MAST3: variants seen among roughly 807,000 people sequenced by gnomAD.
MAST3 encodes the protein microtubule associated serine/threonine kinase 3.
MAST3 carries 43 observed loss-of-function variants against 127.0 expected under a neutral mutation model. That is an observed-to-expected ratio of 0.34 (90% CI 0.27 to 0.44). The LOEUF (loss-of-function observed/expected upper bound fraction) is 0.44, where lower values mean the gene tolerates loss of function less well. MAST3 is among the 20% of genes least tolerant of loss of function. The probability of loss-of-function intolerance (pLI) is 1.00; values close to 1 mark genes in which losing one functional copy is unlikely to be tolerated. For missense variants in MAST3, 1,390 were observed against 1,919.1 expected, an observed-to-expected ratio of 0.72 and a Z score of 5.15; for synonymous variants, 785 against 809.2, an observed-to-expected ratio of 0.97 and a Z score of 0.51.
rs1486954307 is a variant in MAST3, at chr19:18,149,380, C to T, written c.3698C>T (p.Ser1233Phe). Reference sequence around the variant, plus strand: ...TCCCCGCTGGCCTGCCCGCCCATCTCCGCGCCCCCACCCCGCTCGCCCTCG... The same window carrying T: ...TCCCCGCTGGCCTGCCCGCCCATCTTCGCGCCCCCACCCCGCTCGCCCTCG... ...PPSPLACPPISAPPPRSPSPL... is the reference protein window; with the variant it reads ...PPSPLACPPIFAPPPRSPSPL... Residue 1233 changes from serine (S) to phenylalanine (F), a missense_variant, in exon 28 of 28, where the codon TCC (serine) becomes TTC (phenylalanine). Coordinates refer to ENST00000687212, the MANE Select transcript of MAST3 (RefSeq NM_001393504.1). This position sits in a 1 kb window ranked among gnomAD's most constrained non-coding sequence, Gnocchi z 5.9. 2.0e-6 allele frequency: 3 copies of T among 1,482,746 alleles called. No individual in the cohort carries two copies. The highest frequency in any genetic ancestry group is 2.7e-6 in the Non-Finnish European group (3 of 1,119,686). The allele number at this position is 1,482,746 out of a possible 1,614,324, so 91.8% of individuals were successfully genotyped here. A position where few individuals can be genotyped will look rare whatever the true frequency, so the allele number is the denominator to read the frequency against.
rs181113421 is a variant in MAST3 at position 18,101,799 on chromosome 19, C to T, written c.39+3968C>T. 1.7e-3 allele frequency among the ~76,000 whole-genome samples: 265 copies of T among 151,604 alleles called. 3 individuals carry two copies. The highest frequency in any genetic ancestry group is 1.3e-3 in the Non-Finnish European group (90 of 67,946). On this transcript the variant is annotated intron_variant, in intron 1 of 27. Coordinates refer to ENST00000687212, the MANE Select transcript of MAST3 (RefSeq NM_001393504.1). Reference sequence around the variant, plus strand: ...CCTGAGTAGCTGGATTACAGGCGAGCGCCACCACACCCGACTAATATAATT... The same window carrying T: ...CCTGAGTAGCTGGATTACAGGCGAGTGCCACCACACCCGACTAATATAATT...
At chr19:18,132,633 G>T (rs891478948) in intron 15 of MAST3, among the ~76,000 whole-genome samples, 1 of 152,148 alleles carries the variant, frequency 6.6e-6, no homozygotes, top group African/African-American at 2.4e-5. Flanking sequence ...TGGGCAACTG[G>T]GAGACACAGG....
chr19:18,145,191 G>T lies in MAST3; in HGVS notation c.3001G>T (p.Gly1001Cys). The change falls in exon 24 of 28, where the codon GGT (glycine) becomes TGT (cysteine). Residue 1001 changes from glycine to cysteine, a missense_variant. This residue lies in a region of MAST3 where 816 missense variants were observed against 934.1 expected (regional missense o/e 0.87). Transcript: ENST00000687212. This position sits in a 1 kb window ranked among gnomAD's most constrained non-coding sequence, Gnocchi z 5.9. ...FSLRAIRVYM[G>C]DSDVYTVHHV... ...CCTGCGGGCGATCCGCGTCTACATG[G>T]GTGATAGCGACGTCTACACTGTGCA... The T allele has an allele frequency of 6.2e-7, 1 of 1,613,870 alleles. No individual in the cohort carries two copies. Among genetic ancestry groups the T allele is most frequent in the Non-Finnish European group, 8.5e-7 (1 of 1,179,862 alleles).
intron 1 of MAST3, among the ~76,000 whole-genome samples, chr19:18,100,775 T>C (rs1227328014): frequency 2.0e-5 from 3 of 151,344 alleles, no homozygotes; most frequent in Non-Finnish European, 4.4e-5. Flanking sequence ...CTGGAAACCT[T>C]GTTAATGGTC....
At chr19:18,142,347 CTTT>C (rs776007010) in intron 21 of MAST3, among the ~76,000 whole-genome samples, 7 of 122,192 alleles carry the variant, frequency 5.7e-5, no homozygotes, top group Admixed American at 8.4e-5. Flanking sequence ...GGAAGCTGGC[CTTT>C]TTTTTTTTTT....
Position 18,149,723 on chromosome 19 carries a change from C to T in MAST3, c.4041C>T (p.Asp1347=), listed in dbSNP as rs373154404. ...TAGCTCTCGGGCCCACCGGAAGAGA[C>T]TGATCCCCTGCCAGGTCTCTCCCTG... ...VPVALGPTGR[D] Residue 1347 remains aspartate (D), a synonymous_variant, in exon 28 of 28, where the codon GAC becomes GAT. Transcript: ENST00000687212. This position sits in a 1 kb window ranked among gnomAD's most constrained non-coding sequence, Gnocchi z 5.9. The T allele has an allele frequency of 1.2e-6, 2 of 1,611,756 alleles. No homozygotes were observed. The highest frequency in any genetic ancestry group is 8.5e-7 in the Non-Finnish European group (1 of 1,179,528).
intron 12 of MAST3, 78 bp from the exon 13 acceptor site, chr19:18,128,788 G>C (rs1437497384): frequency 8.8e-7 from 1 of 1,142,746 alleles, no homozygotes; most frequent in Non-Finnish European, 1.3e-6. Context: ...ACCAGGACCA[G>C]TGGTTTGGGC....
intron 1 of MAST3, among the ~76,000 whole-genome samples, chr19:18,101,261 C>T (rs970250051): frequency 3.3e-5 from 5 of 152,178 alleles, no homozygotes; most frequent in African/African-American, 1.2e-4. Context: ...TTTGTCTCTG[C>T]CGCTACTGGG....
intron 1 of MAST3, among the ~76,000 whole-genome samples, chr19:18,100,554 G>A (rs2037508104): frequency 6.6e-6 from 1 of 152,040 alleles, no homozygotes; most frequent in Admixed American, 6.6e-5. Context: ...TAGTAAAGTG[G>A]GAATAACCGT....
rs777707144 is a variant in MAST3 at position 18,139,056 on chromosome 19, G to A, written c.2137G>A (p.Glu713Lys). 1.9e-5 allele frequency: 30 copies of A among 1,602,894 alleles called. No homozygotes were observed. The highest frequency in any genetic ancestry group is 2.4e-5 in the Non-Finnish European group (28 of 1,174,962). ...RYRHLGSEDDETNDEESSTEI... is the reference protein window; with the variant it reads ...RYRHLGSEDDKTNDEESSTEI... ...CCGCCATCTGGGCTCCGAGGACGAC[G>A]AGACCAATGATGAAGAATCGTCCAC... Residue 713 changes from glutamate (E) to lysine (K), a missense_variant, in exon 20 of 28, where the codon GAG becomes AAG. This residue lies in a region of MAST3 where 816 missense variants were observed against 934.1 expected (regional missense o/e 0.87). Coordinates refer to ENST00000687212, the MANE Select transcript of MAST3 (RefSeq NM_001393504.1).
Position 18,149,421 on chromosome 19 carries a change from C to G in MAST3, c.3739C>G (p.Pro1247Ala). 2 of 1,466,438 alleles carry G rather than the reference C, an allele frequency of 1.4e-6. No homozygotes were observed. The highest frequency in any genetic ancestry group is 1.8e-6 in the Non-Finnish European group (2 of 1,117,234). 90.8% of individuals were successfully genotyped at this position (1,466,438 alleles called of 1,614,324 possible). A position where few individuals can be genotyped will look rare whatever the true frequency, so the allele number is the denominator to read the frequency against. The stretch of plus-strand genomic sequence containing the variant: ...CTCGCCCTCGCCCCTGCCCGGGCAC[C>G]CGCCCGCACCTGCCCGATCCCCGCG... ...PRSPSPLPGH[P>A]PAPARSPRLR... Residue 1247 changes from proline to alanine, a missense_variant, in exon 28 of 28, where the codon CCG becomes GCG. By Grantham distance (27) the Pro-to-Ala change is conservative (BLOSUM62 -1). Around this residue, in one of 5 missense-constraint regions of MAST3, gnomAD observed 816 missense variants for 934.1 expected, o/e 0.87. Transcript: ENST00000687212. This position sits in a 1 kb window ranked among gnomAD's most constrained non-coding sequence, Gnocchi z 5.9.
Position 18,145,652 on chromosome 19 carries a change from TTGCTGGGGTCCCACAGCAGACCCAG to T in MAST3, c.3040-90_3040-66del. 1 of 1,401,944 alleles carries T rather than the reference TTGCTGGGGTCCCACAGCAGACCCAG, an allele frequency of 7.1e-7. No homozygotes were observed. The highest frequency in any genetic ancestry group is 9.4e-7 in the Non-Finnish European group (1 of 1,058,978). The allele number at this position is 1,401,944 out of a possible 1,614,324, so 86.8% of individuals were successfully genotyped here. A position where few individuals can be genotyped will look rare whatever the true frequency, so the allele number is the denominator to read the frequency against. On this transcript the variant is annotated intron_variant, in intron 24 of 27. Transcript: ENST00000687212. The surrounding 1 kb of genome is among the most constrained non-coding windows in gnomAD (Gnocchi z 5.9). The stretch of plus-strand genomic sequence containing the variant: ...CTGAGACAGCACAAGAGGCAGCAGC[TTGCTGGGGTCCCACAGCAGACCCAG>T]CCTGGGCTGGGGTCCCCAGATGTGG...
intron 1 of MAST3, among the ~76,000 whole-genome samples, chr19:18,100,720 G>A (rs537277258): frequency 3.8e-4 from 58 of 152,312 alleles, no homozygotes; most frequent in Admixed American, 8.5e-4. Context: ...AATCTGGCAC[G>A]TGAAGGTGTT....
chr19:18,106,085 AATT>A lies in MAST3; in HGVS notation c.40-1494_40-1492del, dbSNP rs533166794. 4.2e-3 allele frequency among the ~76,000 whole-genome samples: 640 copies of A among 152,140 alleles called. 3 individuals carry two copies. Among genetic ancestry groups the A allele is most frequent in the African/African-American group, 0.015 (623 of 41,472 alleles). On this transcript the variant is annotated intron_variant, in intron 1 of 27. Coordinates refer to ENST00000687212, the MANE Select transcript of MAST3 (RefSeq NM_001393504.1). ...ACAACTAATTGGTAATTTTAAATAA[AATT>A]ATTATTAATTTTTTTTAGACTTAGA... is the stretch of plus-strand genomic sequence containing the variant.
intron 13 of MAST3, among the ~76,000 whole-genome samples, chr19:18,130,222 C>T (rs571334324): frequency 5.3e-5 from 8 of 152,212 alleles, no homozygotes; most frequent in African/African-American, 1.9e-4. Context: ...TCTCAAAAAA[C>T]ATAAGATAAA....
intron 11 of MAST3, among the ~76,000 whole-genome samples, chr19:18,126,780 A>AT (rs201622630): frequency 4.2e-4 from 62 of 148,146 alleles, no homozygotes; most frequent in East Asian, 8.1e-4. Context: ...ACAAAAAGTA[A>AT]TTTTTTTTTT....
At chr19:18,122,205 AT>A (rs2040074559) in intron 5 of MAST3, 1 of 836,486 alleles carries the variant, frequency 1.2e-6, no homozygotes, top group Non-Finnish European at 1.4e-6. Flanking sequence ...TAAAGAAATC[AT>A]TCATTCATTC....
Position 18,122,736 on chromosome 19 carries a change from C to T in MAST3, c.384C>T (p.Pro128=), listed in dbSNP as rs1449969697. ...CTTCCGGCTATGGAACCAACACACCCAGCTCCACCCTCTCGGTACCCATAG... is the reference window on the plus strand; with the variant it reads ...CTTCCGGCTATGGAACCAACACACCTAGCTCCACCCTCTCGGTACCCATAG... The part of the protein sequence containing the change: ...LPSSGYGTNT[P]SSTLSSSSSS... The change falls in exon 6 of 28, where the codon CCC becomes CCT. Residue 128 remains proline, a synonymous_variant. Transcript: ENST00000687212. 1 of 1,613,430 alleles carries T rather than the reference C, an allele frequency of 6.2e-7. No homozygotes were observed. The highest frequency in any genetic ancestry group is 8.5e-7 in the Non-Finnish European group (1 of 1,179,692).
In MAST3 at chr19:18,112,990, G is replaced by C. The variant is rs1392237266; in HGVS notation, c.161+2249G>C. ...ATCAGGAGCATCCTAGGAAGGTTTC[G>C]GGCCAGATCTGACTCTGTCTAAATC... On this transcript the variant is annotated intron_variant, in intron 3 of 27. Transcript: ENST00000687212. This position sits in a 1 kb window ranked among gnomAD's most constrained non-coding sequence, Gnocchi z 4.1. Among the ~76,000 whole-genome samples the C allele has an allele frequency of 6.6e-6, 1 of 152,072 alleles. No individual in the cohort carries two copies. Among genetic ancestry groups the C allele is most frequent in the Non-Finnish European group, 1.5e-5 (1 of 68,016 alleles).
Sources: gnomAD v4.1 joint callset for allele counts (sites outside exome capture counted in the v4.1 genomes callset) on GRCh38, gnomAD v4.1.1 for gene constraint, gnomAD v4.1.1 regional missense constraint, Gnocchi (gnomAD v3.1) non-coding constraint, MANE v1.5 for transcripts, NCBI Gene and HGNC (gene_info 2026-07-23, HGNC 2026-07-21) for gene names.